RBFOX1: variants seen among roughly 807,000 people sequenced by gnomAD.
The protein encoded by RBFOX1 is RNA binding fox-1 homolog 1.
RBFOX1 carries 8 observed loss-of-function variants against 57.7 expected under a neutral mutation model. The observed-to-expected ratio is 0.14, with a 90% CI of 0.08 to 0.25. The LOEUF is 0.25. Ranked by LOEUF, RBFOX1 falls within the 10% of genes least tolerant of loss-of-function variation. RBFOX1 has a pLI of 1.00. For missense variants in RBFOX1, 611 were observed against 548.5 expected, an observed-to-expected ratio of 1.11 and a Z score of -1.14; for synonymous variants, 326 against 222.4, an observed-to-expected ratio of 1.47 and a Z score of -4.15.
intron 4 of RBFOX1, among the ~76,000 whole-genome samples, chr16:7,189,701 A>G (rs1420748288): frequency 6.6e-6 from 1 of 152,222 alleles, no homozygotes; most frequent in African/African-American, 2.4e-5. Context: ...CATAGGTTAT[A>G]AATTACTGAT....
chr16:6,001,354 C>A (rs1010730516), intron 4 of RBFOX1, among the ~76,000 whole-genome samples: 3 of 152,114 alleles, frequency 2.0e-5, no homozygotes, highest in Non-Finnish European at 4.4e-5. Context: ...GTCTTTATTG[C>A]CAGTAAAGAA....
chr16:6,649,759 G>T (rs1349607844), intron 2 of RBFOX1, among the ~76,000 whole-genome samples: 1 of 152,048 alleles, frequency 6.6e-6, no homozygotes, highest in African/African-American at 2.4e-5. Flanking sequence ...TATTACATAT[G>T]TATATATAAG....
At chr16:7,039,817 A>G (rs544088496) in intron 3 of RBFOX1, among the ~76,000 whole-genome samples, 4 of 152,286 alleles carry the variant, frequency 2.6e-5, no homozygotes, top group East Asian at 1.9e-4. Flanking sequence ...TAAACATTAC[A>G]CATGAGACCC....
intron 4 of RBFOX1, among the ~76,000 whole-genome samples, chr16:7,071,972 C>T (rs571957537): frequency 6.6e-6 from 1 of 152,240 alleles, no homozygotes; most frequent in African/African-American, 2.4e-5. Flanking sequence ...TTCCTAATAT[C>T]TCTTAAGTCT....
intron 3 of RBFOX1, among the ~76,000 whole-genome samples, chr16:5,716,843 G>C (rs1469191190): frequency 6.6e-6 from 1 of 152,236 alleles, no homozygotes. Flanking sequence ...ATCAGTGGCA[G>C]ATTTTGGATG....
intron 4 of RBFOX1, among the ~76,000 whole-genome samples, chr16:5,967,605 G>A (rs760233925): frequency 6.6e-6 from 1 of 152,078 alleles, no homozygotes; most frequent in Non-Finnish European, 1.5e-5. Context: ...TACACCATGG[G>A]CTCATACTGA....
intron 3 of RBFOX1, among the ~76,000 whole-genome samples, chr16:5,701,261 A>C (rs1467822211): frequency 6.6e-6 from 1 of 152,238 alleles, no homozygotes; most frequent in African/African-American, 2.4e-5. Context: ...CTTGAAGCTA[A>C]AATACAGCAT....
intron 2 of RBFOX1, among the ~76,000 whole-genome samples, chr16:5,501,475 C>T (rs911567812): frequency 3.9e-5 from 6 of 152,006 alleles, no homozygotes; most frequent in African/African-American, 1.4e-4. Flanking sequence ...GGTGGGGAGG[C>T]AGGCTGAATC....
chr16:5,909,244 C>G (rs555728839), intron 4 of RBFOX1, among the ~76,000 whole-genome samples: 33 of 151,872 alleles, frequency 2.2e-4, no homozygotes, highest in Non-Finnish European at 3.8e-4. Context: ...AGGCACCCAC[C>G]ACCACGCCTG....
At chr16:5,560,894 C>T (rs2045867201) in intron 2 of RBFOX1, among the ~76,000 whole-genome samples, 1 of 152,164 alleles carries the variant, frequency 6.6e-6, no homozygotes, top group Admixed American at 6.5e-5. Flanking sequence ...CTAGGTCCTG[C>T]TGTGATGTGC....
chr16:6,281,826 G>A (rs1182420605), intron 1 of RBFOX1, among the ~76,000 whole-genome samples: 1 of 152,110 alleles, frequency 6.6e-6, no homozygotes, highest in African/African-American at 2.4e-5. Flanking sequence ...GGAGGATGAA[G>A]TAACTTGCCC....
rs571355823 is a variant in RBFOX1 at position 6,490,782 on chromosome 16, T to A, written c.-63-163821T>A. Among the ~76,000 whole-genome samples, 35 of 152,308 alleles carry A rather than the reference T, an allele frequency of 2.3e-4. No homozygotes were observed. The South Asian group carries it at 4.8e-3, about 21-fold the overall frequency. On this transcript the variant is annotated intron_variant, in intron 2 of 15. Transcript: ENST00000550418. ...GGAACTGGGCTGGAAGTGGAATCCA[T>A]TACTGTTCTTTATATTTCAGGCCCA...
At chr16:6,751,994 G>A (rs1488122630) in intron 3 of RBFOX1, among the ~76,000 whole-genome samples, 5 of 152,058 alleles carry the variant, frequency 3.3e-5, no homozygotes, top group Admixed American at 1.3e-4. Flanking sequence ...CACTTTAATA[G>A]GATCCCAGTT....
intron 3 of RBFOX1, among the ~76,000 whole-genome samples, chr16:6,828,577 C>G (rs755135936): frequency 3.0e-4 from 45 of 151,630 alleles, no homozygotes; most frequent in South Asian, 1.9e-3. Context: ...GTGGGCTGAT[C>G]AGATCCTGAA....
intron 1 of RBFOX1, among the ~76,000 whole-genome samples, chr16:6,131,459 C>G (rs2096629161): frequency 6.6e-6 from 1 of 152,182 alleles, no homozygotes; most frequent in Admixed American, 6.5e-5. Flanking sequence ...CTTACTACCC[C>G]TTGCTCTAGA....
At chr16:5,362,480 A>AG (rs1269488532) in intron 1 of RBFOX1, among the ~76,000 whole-genome samples, 1 of 152,202 alleles carries the variant, frequency 6.6e-6, no homozygotes, top group African/African-American at 2.4e-5. Context: ...CTCCTGCCTC[A>AG]GTCTCCCGAG....
intron 3 of RBFOX1, among the ~76,000 whole-genome samples, chr16:6,835,293 C>G (rs536074332): frequency 6.6e-6 from 1 of 152,108 alleles, no homozygotes; most frequent in Non-Finnish European, 1.5e-5. Context: ...CTTTCTGCAT[C>G]TTTGTGAGTT....
At chr16:7,588,747 C>A (rs368422599) in intron 7 of RBFOX1, among the ~76,000 whole-genome samples, 24 of 152,164 alleles carry the variant, frequency 1.6e-4, no homozygotes, top group Non-Finnish European at 2.8e-4. Context: ...GTATAACCAT[C>A]TTTCCCCCAT....
chr16:7,485,082 C>G (rs2065044116), intron 4 of RBFOX1, among the ~76,000 whole-genome samples: 1 of 148,538 alleles, frequency 6.7e-6, no homozygotes, highest in African/African-American at 2.5e-5. Context: ...TTTTTAATAA[C>G]AGAGGACTTG....
Sources: gnomAD v4.1 joint callset for allele counts (sites outside exome capture counted in the v4.1 genomes callset) on GRCh38, gnomAD v4.1.1 for gene constraint, MANE v1.5 for transcripts, NCBI Gene and HGNC (gene_info 2026-07-23, HGNC 2026-07-21) for gene names.